The following MAP4K2 variants were observed in gnomAD, a reference collection of about 807,000 sequenced individuals.
MAP4K2 encodes B lymphocyte serine/threonine protein kinase.
Under a neutral mutation model 125.3 loss-of-function variants are expected in MAP4K2, and 85 were observed. The observed-to-expected ratio is 0.68, with a 90% CI of 0.57 to 0.81. The LOEUF (loss-of-function observed/expected upper bound fraction) is 0.81. Ranked by LOEUF, MAP4K2 falls within the 40% of genes least tolerant of loss-of-function variation. MAP4K2 has a pLI of 0.00. For missense variants in MAP4K2, 923 were observed against 1,056.4 expected (o/e 0.87, Z 1.75); for synonymous variants, 479 against 445.1 (o/e 1.08, Z -0.96).
At chr11:64,791,831 C>A (rs1305386050) in intron 27 of MAP4K2, 78 bp downstream of exon 27, 4 of 1,415,822 alleles carry the variant, frequency 2.8e-6, no homozygotes, top group East Asian at 5.1e-5. Context: ...AGTTTGGGAG[C>A]CTTGGCCCTC....
intron 24 of MAP4K2, among the ~76,000 whole-genome samples, chr11:64,795,836 G>C (rs1940763378): frequency 6.6e-6 from 1 of 151,746 alleles, no homozygotes; most frequent in Admixed American, 6.6e-5. Context: ...CAGCCCCGCT[G>C]TTTCTTGAAA....
Position 64,796,814 on chromosome 11 carries a change from G to A in MAP4K2, c.1487C>T (p.Thr496Ile), listed in dbSNP as rs754791301. ...TCCTCCCTGCCCCCACCTACCCCGA[G>A]TAACAGGGTGAATCCAGGTGACAGC... ...HAAVTWIHPV[T>I]RDQFLVVGAE... The change falls in exon 21 of 32, where the codon ACT becomes ATT. Residue 496 changes from threonine (T) to isoleucine (I), a missense_variant. Physicochemically the swap from Thr to Ile is moderately conservative, Grantham distance 89. Coordinates refer to ENST00000294066, the MANE Select transcript of MAP4K2 (RefSeq NM_004579.5). 2.5e-5 allele frequency: 40 copies of A among 1,613,612 alleles called. No homozygotes were observed. The highest frequency in any genetic ancestry group is 1.2e-4 in the South Asian group (11 of 91,094).
Position 64,789,465 on chromosome 11 carries a change from C to T in MAP4K2, c.*72G>A. On this transcript the variant is annotated 3_prime_UTR_variant, in exon 32 of 32. Transcript: ENST00000294066. ...CTGGGCTCCTCTGGTCTAGGATGGG[C>T]CCCTTTGCCCAAAAGGGCCTGCAGC... The T allele has an allele frequency of 1.5e-6, 2 of 1,374,902 alleles. No individual in the cohort carries two copies. Among genetic ancestry groups the T allele is most frequent in the Non-Finnish European group, 2.0e-6 (2 of 988,386 alleles). 85.2% of individuals were successfully genotyped at this position (1,374,902 alleles called of 1,614,324 possible).
chr11:64,803,112 C>A lies in MAP4K2; in HGVS notation c.38G>T (p.Arg13Leu). The A allele has an allele frequency of 1.9e-6, 3 of 1,590,630 alleles. No individual in the cohort carries two copies. The highest frequency in any genetic ancestry group is 2.6e-6 in the Non-Finnish European group (3 of 1,175,002). Residue 13 changes from arginine (R) to leucine (L), a missense_variant, in exon 1 of 32, where the codon CGG becomes CTG. By Grantham distance (102) the Arg-to-Leu change is moderately radical (BLOSUM62 -2). This residue lies in a region of MAP4K2 where 833 missense variants were observed against 911.4 expected (regional missense o/e 0.91). Transcript: ENST00000294066. ...GCGCTGCAGCAGCTCGAAGCGGTCC[C>A]GCGGGTCCTGCAGCGACACATCCCG... ...LLRDVSLQDP[R>L]DRFELLQRVG...
intron 4 of MAP4K2, 42 bp from the exon 5 acceptor site, chr11:64,802,163 C>G: frequency 6.4e-7 from 1 of 1,556,700 alleles, no homozygotes; most frequent in Non-Finnish European, 8.8e-7. Context: ...GCCCGGGGGT[C>G]ATGCCCACCC....
At chr11:64,796,109 G>A (rs999849423) in intron 24 of MAP4K2, among the ~76,000 whole-genome samples, 164 bp downstream of exon 24, 2 of 152,230 alleles carry the variant, frequency 1.3e-5, no homozygotes, top group South Asian at 4.1e-4. Context: ...ACAAGCCGGC[G>A]GGAGGGGGTG....
chr11:64,803,165 G>A lies in MAP4K2; in HGVS notation c.-16C>T, dbSNP rs573202065. The A allele has an allele frequency of 3.3e-3, 4,033 of 1,215,082 alleles. 11 individuals are homozygous for A. The highest frequency in any genetic ancestry group is 4.5e-3 in the Admixed American group (101 of 22,362). The allele number at this position is 1,215,082 out of a possible 1,614,324, so 75.3% of individuals were successfully genotyped here. Reference sequence around the variant, plus strand: ...GCAGCGCCATGGCCCGGCGCCGGGCGGGCCGGCAGGCGGGCGGGCGCGAGC... The same window carrying A: ...GCAGCGCCATGGCCCGGCGCCGGGCAGGCCGGCAGGCGGGCGGGCGCGAGC... On this transcript the variant is annotated 5_prime_UTR_variant, in exon 1 of 32. Transcript: ENST00000294066.
intron 27 of MAP4K2, 31 bp downstream of exon 27, chr11:64,791,878 C>T (rs372824495): frequency 6.6e-7 from 1 of 1,514,986 alleles, no homozygotes; most frequent in Non-Finnish European, 8.9e-7. Context: ...GCACACACAC[C>T]CACCCCCAGC....
chr11:64,790,418 C>T lies in MAP4K2; in HGVS notation c.2137G>A (p.Asp713Asn). The T allele has an allele frequency of 6.2e-7, 1 of 1,614,156 alleles. No individual in the cohort carries two copies. Among genetic ancestry groups the T allele is most frequent in the Non-Finnish European group, 8.5e-7 (1 of 1,180,022 alleles). Residue 713 changes from aspartate (D) to asparagine (N), a missense_variant, in exon 28 of 32, where the codon GAC becomes AAC. Transcript: ENST00000294066. The part of the protein sequence containing the change: ...SAQQVIQVDR[D>N]TILVSFERCV... The stretch of plus-strand genomic sequence containing the variant: ...CGTTCAAAGCTGACTAGGATTGTGT[C>T]CCTGTCCACCTGGATCACCTGCTGG...
chr11:64,798,498 C>T (rs1167500924), intron 15 of MAP4K2, among the ~76,000 whole-genome samples: 3 of 152,266 alleles, frequency 2.0e-5, no homozygotes, highest in East Asian at 3.9e-4. Flanking sequence ...TGGGGTTTCA[C>T]CATGTTGGCA....
intron 24 of MAP4K2, among the ~76,000 whole-genome samples, chr11:64,795,973 T>C (rs906355117): frequency 4.6e-5 from 7 of 152,210 alleles, no homozygotes; most frequent in South Asian, 2.1e-4. Flanking sequence ...AAGCCCAGCA[T>C]AGGGGCCAAC....
At position 64,797,680 on chromosome 11, in the gene MAP4K2, A is replaced by G; in HGVS notation, c.1098-16T>C. 6.6e-7 allele frequency: 1 copy of G among 1,519,612 alleles called. No homozygotes were observed. Among genetic ancestry groups the G allele is most frequent in the Non-Finnish European group, 8.8e-7 (1 of 1,133,778 alleles). The allele number at this position is 1,519,612 out of a possible 1,614,324, so 94.1% of individuals were successfully genotyped here. A position where few individuals can be genotyped will look rare whatever the true frequency, so the allele number is the denominator to read the frequency against. On this transcript the variant is annotated splice_polypyrimidine_tract_variant and intron_variant, in intron 15 of 31. Coordinates refer to ENST00000294066, the MANE Select transcript of MAP4K2 (RefSeq NM_004579.5). ...CAGCAGGCTCCTGGGCAGTGGGGAA[A>G]AGGGGTCAGAGGTCAACCTTTCCTT...
At chr11:64,794,701 C>T (rs773317017) in intron 24 of MAP4K2, among the ~76,000 whole-genome samples, 45 of 152,058 alleles carry the variant, frequency 3.0e-4, no homozygotes, top group Non-Finnish European at 5.4e-4. Context: ...CAGGCTGCTC[C>T]GCCCCAACAC....
chr11:64,791,146 AAAAT>A (rs1295131878), intron 27 of MAP4K2, among the ~76,000 whole-genome samples: 6 of 152,200 alleles, frequency 3.9e-5, no homozygotes, highest in African/African-American at 9.6e-5. Flanking sequence ...AAAAAATAAA[AAAAT>A]AAATAAAGAA....
At chr11:64,793,036 G>C (rs2136039808) in intron 24 of MAP4K2, among the ~76,000 whole-genome samples, 1 of 152,264 alleles carries the variant, frequency 6.6e-6, no homozygotes, top group Non-Finnish European at 1.5e-5. Context: ...GACCAACATA[G>C]AGAAACCCTG....
intron 29 of MAP4K2, 65 bp downstream of exon 29, chr11:64,790,123 G>T: frequency 6.3e-7 from 1 of 1,589,026 alleles, no homozygotes; most frequent in South Asian, 1.1e-5. Context: ...GCCAGCCCCA[G>T]GCCCCTGAGC....
chr11:64,796,814 G>C lies in MAP4K2; in HGVS notation c.1487C>G (p.Thr496Ser), dbSNP rs754791301. 1 of 1,613,730 alleles carries C rather than the reference G, an allele frequency of 6.2e-7. No individual in the cohort carries two copies. Among genetic ancestry groups the C allele is most frequent in the South Asian group, 1.1e-5 (1 of 91,090 alleles). Residue 496 changes from threonine to serine, a missense_variant, in exon 21 of 32, where the codon ACT (threonine) becomes AGT (serine). Transcript: ENST00000294066. ...TCCTCCCTGCCCCCACCTACCCCGAGTAACAGGGTGAATCCAGGTGACAGC... is the reference window on the plus strand; with the variant it reads ...TCCTCCCTGCCCCCACCTACCCCGACTAACAGGGTGAATCCAGGTGACAGC... ...HAAVTWIHPV[T>S]RDQFLVVGAE...
Position 64,801,748 on chromosome 11 carries a change from G to A in MAP4K2, c.376C>T (p.His126Tyr), listed in dbSNP as rs747164448. Residue 126 changes from histidine (H) to tyrosine (Y), a missense_variant, in exon 6 of 32, where the codon CAC becomes TAC. Physicochemically the swap from His to Tyr is moderately conservative, Grantham distance 83. Coordinates refer to ENST00000294066, the MANE Select transcript of MAP4K2 (RefSeq NM_004579.5). ...VCREALKGLHHLHSQGKIHRD... is the reference protein window; with the variant it reads ...VCREALKGLHYLHSQGKIHRD... Reference sequence around the variant, plus strand: ...TGGATCTTCCCCTGAGAATGCAGGTGGTGGAGCCCCTGGCGACAAAGAGGA... The same window carrying A: ...TGGATCTTCCCCTGAGAATGCAGGTAGTGGAGCCCCTGGCGACAAAGAGGA... 27 of 1,613,346 alleles carry A rather than the reference G, an allele frequency of 1.7e-5. No homozygotes were observed. Among genetic ancestry groups the A allele is most frequent in the Non-Finnish European group, 2.1e-5 (25 of 1,179,900 alleles).
intron 4 of MAP4K2, 55 bp downstream of exon 4, chr11:64,802,364 G>C (rs534905898): frequency 1.4e-6 from 2 of 1,478,814 alleles, no homozygotes; most frequent in African/African-American, 1.4e-5. Context: ...GTACCCCAGT[G>C]GGGTAGGGGT....
Sources: gnomAD v4.1 joint callset for allele counts (sites outside exome capture counted in the v4.1 genomes callset) on GRCh38, gnomAD v4.1.1 for gene constraint, gnomAD v4.1.1 regional missense constraint, MANE v1.5 for transcripts, NCBI Gene and HGNC (gene_info 2026-07-23, HGNC 2026-07-21) for gene names.